CTNNA2: variants seen among roughly 807,000 people sequenced by gnomAD.
CTNNA2 encodes the protein catenin alpha-2.
In CTNNA2, 42 loss-of-function variants were observed where a neutral mutation model predicts 101.0. That is an observed-to-expected ratio of 0.42 (90% CI 0.32 to 0.54). CTNNA2 has a LOEUF of 0.54. Ranked by LOEUF, CTNNA2 falls within the 20% of genes least tolerant of loss-of-function variation. The pLI, the probability that CTNNA2 is intolerant of heterozygous loss-of-function variation, is 0.14. For synonymous variants in CTNNA2, 450 were observed against 456.4 expected (o/e 0.99, Z 0.18); for missense variants, 871 against 1,223.1 (o/e 0.71, Z 4.29).
At chr2:79,230,114 A>G (rs1674470299) in intron 2 of CTNNA2, among the ~76,000 whole-genome samples, 1 of 152,272 alleles carries the variant, frequency 6.6e-6, no homozygotes, top group African/African-American at 2.4e-5. Flanking sequence ...GGAGAAATTT[A>G]AGACGGCTGC....
At chr2:80,601,691 A>G (rs1490480190) in intron 15 of CTNNA2, 1 of 151,342 alleles carries the variant, frequency 6.6e-6, no homozygotes, top group Admixed American at 6.6e-5. Context: ...TTCTAAATAT[A>G]TTTTCTATAT....
At chr2:79,630,154 G>A (rs1164360411) in intron 1 of CTNNA2, among the ~76,000 whole-genome samples, 3 of 152,046 alleles carry the variant, frequency 2.0e-5, no homozygotes, top group African/African-American at 7.3e-5. Context: ...CCACAATATA[G>A]ACCCTGGGAC....
chr2:80,637,325 T>G (rs1405327152), intron 18 of CTNNA2, among the ~76,000 whole-genome samples: 1 of 152,098 alleles, frequency 6.6e-6, no homozygotes, highest in Non-Finnish European at 1.5e-5. Context: ...TTAAAGAACT[T>G]TTATGAGGTA....
chr2:80,591,478 T>G (rs1304517828), intron 15 of CTNNA2, among the ~76,000 whole-genome samples: 1 of 135,046 alleles, frequency 7.4e-6, no homozygotes, highest in Non-Finnish European at 1.6e-5. Context: ...TTTTTTTTTT[T>G]GCAAACAGAC....
intron 13 of CTNNA2, among the ~76,000 whole-genome samples, chr2:80,576,963 T>C (rs1695109654): frequency 6.6e-6 from 1 of 152,082 alleles, no homozygotes; most frequent in Non-Finnish European, 1.5e-5. Context: ...CATTGCCAGA[T>C]ATTTTAAAAT....
At chr2:79,496,949 G>T (rs1219658494) in intron 4 of CTNNA2, among the ~76,000 whole-genome samples, 1 of 152,064 alleles carries the variant, frequency 6.6e-6, no homozygotes, top group Non-Finnish European at 1.5e-5. Flanking sequence ...AATTCCCCTA[G>T]GCCATATATA....
intron 7 of CTNNA2, among the ~76,000 whole-genome samples, chr2:80,066,460 A>G (rs1194036107): frequency 6.6e-6 from 1 of 152,212 alleles, no homozygotes; most frequent in Admixed American, 6.5e-5. Flanking sequence ...AAAAGAAAAC[A>G]CACAAATGGC....
intron 2 of CTNNA2, among the ~76,000 whole-genome samples, chr2:79,655,613 G>C (rs78903741): frequency 0.073 from 11,048 of 152,148 alleles, 471 homozygotes; most frequent in South Asian, 0.1. Flanking sequence ...AAGATCACTT[G>C]AAGTCAGGAG....
chr2:79,520,151 C>T (rs961807458), intron 1 of CTNNA2, among the ~76,000 whole-genome samples: 5 of 152,158 alleles, frequency 3.3e-5, no homozygotes, highest in Non-Finnish European at 7.4e-5. Flanking sequence ...AAAGTGTACC[C>T]ATTTTAAGTG....
chr2:79,295,745 C>A (rs977151005), intron 2 of CTNNA2, among the ~76,000 whole-genome samples: 2 of 152,112 alleles, frequency 1.3e-5, no homozygotes, highest in African/African-American at 2.4e-5. Context: ...CCATTCCAAT[C>A]TCTCTGCATA....
At chr2:80,387,220 C>T (rs376135275) in intron 7 of CTNNA2, among the ~76,000 whole-genome samples, 3 of 151,858 alleles carry the variant, frequency 2.0e-5, no homozygotes, top group Non-Finnish European at 2.9e-5. Flanking sequence ...ACCCGGGAGG[C>T]GGAGCTTGCA....
At chr2:79,578,321 C>T (rs1426349189) in intron 1 of CTNNA2, among the ~76,000 whole-genome samples, 1 of 151,960 alleles carries the variant, frequency 6.6e-6, no homozygotes, top group East Asian at 1.9e-4. Flanking sequence ...AATATTTCCT[C>T]CCAGAGAATA....
chr2:79,687,537 A>G (rs996355700), intron 2 of CTNNA2: 14 of 699,080 alleles, frequency 2.0e-5, no homozygotes, highest in Non-Finnish European at 3.7e-5. Context: ...CCAGAACTGA[A>G]TACACATTGT....
intron 7 of CTNNA2, among the ~76,000 whole-genome samples, chr2:79,948,716 C>T (rs1688669495): frequency 1.3e-5 from 2 of 152,206 alleles, no homozygotes; most frequent in South Asian, 4.1e-4. Context: ...CGCCTGTAAT[C>T]TCAGCACTTT....
intron 1 of CTNNA2, among the ~76,000 whole-genome samples, chr2:79,531,587 A>T (rs1326229110): frequency 6.6e-6 from 1 of 152,142 alleles, no homozygotes; most frequent in Non-Finnish European, 1.5e-5. Flanking sequence ...TAAGGTCCAA[A>T]AGAGGCAAGG....
At chr2:80,585,201 A>G (rs1386420383) in intron 14 of CTNNA2, among the ~76,000 whole-genome samples, 2 of 152,204 alleles carry the variant, frequency 1.3e-5, no homozygotes, top group African/African-American at 4.8e-5. Flanking sequence ...AGATAATTAT[A>G]TCAAAATCTC....
intron 15 of CTNNA2, among the ~76,000 whole-genome samples, chr2:80,597,831 A>T (rs1247612359): frequency 6.6e-6 from 1 of 152,206 alleles, no homozygotes; most frequent in Admixed American, 6.5e-5. Context: ...AGATGCTGGC[A>T]AGGCTGTGGT....
chr2:79,761,175 A>T (rs868039408), intron 3 of CTNNA2, among the ~76,000 whole-genome samples: 13 of 152,172 alleles, frequency 8.5e-5, no homozygotes, highest in African/African-American at 3.1e-4. Context: ...AATGCTGTAT[A>T]TTTTAGGTAA....
intron 3 of CTNNA2, among the ~76,000 whole-genome samples, chr2:79,332,421 T>C (rs1216167424): frequency 6.6e-6 from 1 of 152,084 alleles, no homozygotes; most frequent in African/African-American, 2.4e-5. Context: ...ATTGGAAAAG[T>C]AAAAGCCATG....
Sources: allele counts gnomAD v4.1 joint callset (sites outside exome capture counted in the v4.1 genomes callset), GRCh38; gene constraint gnomAD v4.1.1; transcripts MANE v1.5; gene names NCBI Gene and HGNC (gene_info 2026-07-23, HGNC 2026-07-21).